The following DLGAP1 variants were observed in gnomAD, a reference collection of about 807,000 sequenced individuals.
DLGAP1 encodes disks large-associated protein 1.
A neutral mutation model predicts 90.8 loss-of-function variants in DLGAP1; 11 were observed. That is an observed-to-expected ratio of 0.12 (90% CI 0.08 to 0.20). DLGAP1 has a LOEUF of 0.20. Among genes scored for constraint, DLGAP1 ranks in the 10% least tolerant of loss-of-function variants. DLGAP1 has a pLI of 1.00. For missense variants in DLGAP1, 1,050 were observed against 1,333.8 expected (o/e 0.79, Z 3.31); for synonymous variants, 558 against 540.7 (o/e 1.03, Z -0.44).
At chr18:3,793,034 A>G (rs770570195) in intron 5 of DLGAP1, among the ~76,000 whole-genome samples, 72 of 152,282 alleles carry the variant, frequency 4.7e-4, no homozygotes, top group Non-Finnish European at 9.7e-4. Flanking sequence ...GCCCTCAGTA[A>G]GTATCACAGC....
At chr18:4,072,398 T>C (rs2075461878) in intron 2 of DLGAP1, among the ~76,000 whole-genome samples, 1 of 152,134 alleles carries the variant, frequency 6.6e-6, no homozygotes, top group South Asian at 2.1e-4. Context: ...TTCATCTTCA[T>C]TTTCATCAGC....
At chr18:3,853,107 TC>T (rs2069436557) in intron 4 of DLGAP1, among the ~76,000 whole-genome samples, 1 of 152,058 alleles carries the variant, frequency 6.6e-6, no homozygotes, top group Non-Finnish European at 1.5e-5. Context: ...ATTAATAGGG[TC>T]TGGTCTTTTT....
Position 3,775,587 on chromosome 18 carries a change from T to C in DLGAP1, c.1173-33075A>G, listed in dbSNP as rs2064904679. On this transcript the variant is annotated intron_variant, in intron 5 of 12. Transcript: ENST00000315677. This position sits in a 1 kb window ranked among gnomAD's most constrained non-coding sequence, Gnocchi z 4.9. ...AAGCCAATTAAGCCTCTTTTCTTTA[T>C]AAATTACCCTGTGTCAGGTAGTTCT... 6.6e-6 allele frequency among the ~76,000 whole-genome samples: 1 copy of C among 152,256 alleles called. No homozygotes were observed. Among genetic ancestry groups the C allele is most frequent in the African/African-American group, 2.4e-5 (1 of 41,466 alleles).
chr18:4,068,143 G>A (rs899759316), intron 2 of DLGAP1, among the ~76,000 whole-genome samples: 4 of 151,496 alleles, frequency 2.6e-5, no homozygotes, highest in East Asian at 3.9e-4. Context: ...ATTACCATAT[G>A]GCATACTATA....
intron 2 of DLGAP1, among the ~76,000 whole-genome samples, chr18:4,062,096 T>C (rs1261727950): frequency 6.6e-6 from 1 of 152,212 alleles, no homozygotes; most frequent in Non-Finnish European, 1.5e-5. Flanking sequence ...TTGCTGATCC[T>C]TTGTTTTTCA....
intron 1 of DLGAP1, among the ~76,000 whole-genome samples, chr18:4,448,188 T>G (rs2083714726): frequency 6.6e-6 from 1 of 152,184 alleles, no homozygotes; most frequent in Non-Finnish European, 1.5e-5. Flanking sequence ...TCTCATTCTC[T>G]GTTGAGCCCC....
chr18:4,416,107 C>G (rs1181938730), intron 1 of DLGAP1, among the ~76,000 whole-genome samples: 1 of 117,486 alleles, frequency 8.5e-6, no homozygotes, highest in Non-Finnish European at 1.8e-5. Context: ...ATATTGTATG[C>G]TTCAGAACCT....
intron 6 of DLGAP1, among the ~76,000 whole-genome samples, chr18:3,737,333 TA>T (rs1223686165): frequency 6.6e-6 from 1 of 151,998 alleles, no homozygotes; most frequent in African/African-American, 2.4e-5. Flanking sequence ...AAGAGAATTT[TA>T]GACCAATATC....
chr18:4,368,647 ACACACAC>A (rs1316221622), intron 1 of DLGAP1, among the ~76,000 whole-genome samples: 12 of 120,266 alleles, frequency 1.0e-4, no homozygotes. Context: ...ACACACACAC[ACACACAC>A]ACACACACAC....
intron 1 of DLGAP1, among the ~76,000 whole-genome samples, chr18:4,361,715 G>C (rs114398061): frequency 1.3e-5 from 2 of 151,818 alleles, no homozygotes; most frequent in African/African-American, 4.8e-5. Flanking sequence ...AACACAAAAG[G>C]CACAGGCAAC....
chr18:4,435,228 G>A (rs2144782018), intron 1 of DLGAP1, among the ~76,000 whole-genome samples: 2 of 152,262 alleles, frequency 1.3e-5, no homozygotes, highest in South Asian at 2.1e-4. Context: ...CCCGAGTTGT[G>A]GACAGGAAGC....
intron 1 of DLGAP1, among the ~76,000 whole-genome samples, chr18:4,376,344 T>G (rs1295936304): frequency 6.6e-6 from 1 of 152,182 alleles, no homozygotes; most frequent in Non-Finnish European, 1.5e-5. Flanking sequence ...TTTTCCATGA[T>G]GTAAAAGCAC....
In DLGAP1 at chr18:3,879,390, A is replaced by C. The variant is rs1599093300; in HGVS notation, c.679T>G (p.Cys227Gly). Residue 227 changes from cysteine to glycine, a missense_variant, in exon 4 of 13, where the codon TGC (cysteine) becomes GGC (glycine). Cys to Gly is a radical substitution (Grantham distance 159). Coordinates refer to ENST00000315677, the MANE Select transcript of DLGAP1 (RefSeq NM_004746.4). The surrounding 1 kb of genome is among the most constrained non-coding windows in gnomAD (Gnocchi z 6.6). ...APSGVMTMGR[C>G]PDRSASQYFL... The stretch of plus-strand genomic sequence containing the variant: ...TACTGTGAGGCCGAGCGGTCGGGGC[A>C]CCTGCCCATGGTCATCACGCCCGAG... The C allele has an allele frequency of 3.7e-6, 6 of 1,613,182 alleles. No individual in the cohort carries two copies. Among genetic ancestry groups the C allele is most frequent in the Non-Finnish European group, 5.1e-6 (6 of 1,179,962 alleles).
chr18:4,348,400 A>ATGTGTGTGTGTGTG (rs71160958), intron 1 of DLGAP1, among the ~76,000 whole-genome samples: 4,384 of 133,246 alleles, frequency 0.033, 104 homozygotes, highest in East Asian at 0.075. Flanking sequence ...GAACTCAGGA[A>ATGTGTGTGTGTGTG]TGTGTGTGTG....
intron 2 of DLGAP1, among the ~76,000 whole-genome samples, chr18:4,055,282 G>T (rs79941936): frequency 0.035 from 5,381 of 152,196 alleles, 171 homozygotes; most frequent in African/African-American, 0.08. Context: ...TTTTTCATTT[G>T]TTTAACTTTT....
chr18:3,513,265 A>G (rs2050647545), intron 10 of DLGAP1, among the ~76,000 whole-genome samples: 1 of 152,076 alleles, frequency 6.6e-6, no homozygotes, highest in African/African-American at 2.4e-5. Context: ...CCATTTATCC[A>G]CTGAGTGTGA....
chr18:3,924,351 G>C (rs1419244587), intron 3 of DLGAP1, among the ~76,000 whole-genome samples: 4 of 152,120 alleles, frequency 2.6e-5, no homozygotes, highest in African/African-American at 9.7e-5. Flanking sequence ...CACTCTCCCA[G>C]GTGTGGTGCC....
At chr18:4,411,072 G>A (rs749919315) in intron 1 of DLGAP1, among the ~76,000 whole-genome samples, 10 of 152,144 alleles carry the variant, frequency 6.6e-5, no homozygotes, top group Non-Finnish European at 1.0e-4. Flanking sequence ...GAGGCCTTTG[G>A]TGCAACTGCA....
At chr18:3,701,806 G>C (rs1408890940) in intron 7 of DLGAP1, among the ~76,000 whole-genome samples, 5 of 152,164 alleles carry the variant, frequency 3.3e-5, no homozygotes, top group Admixed American at 3.3e-4. Flanking sequence ...AGGTAATTCT[G>C]CTGCGATCTG....
Sources: allele counts gnomAD v4.1 joint callset (sites outside exome capture counted in the v4.1 genomes callset), GRCh38; gene constraint gnomAD v4.1.1; non-coding constraint Gnocchi (gnomAD v3.1); transcripts MANE v1.5; gene names NCBI Gene and HGNC (gene_info 2026-07-23, HGNC 2026-07-21).